Variants in SKOR2 observed in about 807,000 individuals in gnomAD.
SKOR2 encodes LBX1 corepressor 1-like protein.
Under a neutral mutation model 69.1 loss-of-function variants are expected in SKOR2, and 47 were observed. The observed-to-expected ratio is 0.68, with a 90% CI of 0.54 to 0.87. The LOEUF (loss-of-function observed/expected upper bound fraction) is 0.87, where lower values mean the gene tolerates loss of function less well. Ranked by LOEUF, SKOR2 falls within the 40% of genes least tolerant of loss-of-function variation. The pLI is 0.00. For missense variants in SKOR2, 1,404 were observed against 1,472.2 expected (o/e 0.95, Z 0.76); for synonymous variants, 717 against 672.6 (o/e 1.07, Z -1.02).
At position 47,247,769 on chromosome 18, in the gene SKOR2, G is replaced by T; in HGVS notation, c.1415C>A (p.Pro472Gln). The change falls in exon 2 of 9, where the codon CCG becomes CAG. Residue 472 changes from proline to glutamine, a missense_variant. By Grantham distance (76) the Pro-to-Gln change is moderately conservative. Coordinates refer to ENST00000425639, the MANE Select transcript of SKOR2 (RefSeq NM_001278063.4). This position sits in a 1 kb window ranked among gnomAD's most constrained non-coding sequence, Gnocchi z 6.6. ...CGGGAGCCCGCCAGGGGTCCGCGGC[G>T]GCCAGAACATGCAGAAGGGCGGATA... ...AFYPPFCMFW[P>Q]PRTPGGLPVP... 7.2e-7 allele frequency: 1 copy of T among 1,386,672 alleles called. No homozygotes were observed. Among genetic ancestry groups the T allele is most frequent in the Non-Finnish European group, 9.3e-7 (1 of 1,079,264 alleles). The allele number at this position is 1,386,672 out of a possible 1,614,324, so 85.9% of individuals were successfully genotyped here.
intron 4 of SKOR2, 54 bp from the exon 5 acceptor site, chr18:47,231,054 GT>G: frequency 6.5e-7 from 1 of 1,534,628 alleles, no homozygotes; most frequent in South Asian, 1.2e-5. Context: ...AGTTCTGTAA[GT>G]TTTCCTTTAC....
At position 47,248,513 on chromosome 18, in the gene SKOR2, A is replaced by AGCTCGTCCTGGGGAC; in HGVS notation, c.656_670dup (p.Glu223_Leu224insArgProGlnAspGlu). On this transcript the variant is annotated inframe_insertion, in exon 2 of 9. Coordinates refer to ENST00000425639, the MANE Select transcript of SKOR2 (RefSeq NM_001278063.4). This position sits in a 1 kb window ranked among gnomAD's most constrained non-coding sequence, Gnocchi z 6.4. The stretch of plus-strand genomic sequence containing the variant: ...CTTGACGTCCTCCCAGGCGAAGACC[A>AGCTCGTCCTGGGGAC]GCTCGTCCTGGGGACTCTTGTCGGT... The AGCTCGTCCTGGGGAC allele has an allele frequency of 6.5e-7, 1 of 1,537,014 alleles. No individual in the cohort carries two copies. The highest frequency in any genetic ancestry group is 1.4e-5 in the African/African-American group (1 of 73,128).
intron 6 of SKOR2, among the ~76,000 whole-genome samples, chr18:47,222,099 T>G (rs971675688): frequency 2.0e-5 from 3 of 152,074 alleles, no homozygotes; most frequent in Non-Finnish European, 4.4e-5. Context: ...AGCAGGAAAA[T>G]TGCTTGAGCC....
chr18:47,219,031 C>A (rs1010305639), intron 7 of SKOR2, among the ~76,000 whole-genome samples: 3 of 152,120 alleles, frequency 2.0e-5, no homozygotes, highest in African/African-American at 7.2e-5. Flanking sequence ...ATAATCCTGA[C>A]AAAGGAACTA....
intron 8 of SKOR2, among the ~76,000 whole-genome samples, chr18:47,208,864 G>GGTA (rs2144471223): frequency 6.6e-6 from 1 of 152,192 alleles, no homozygotes; most frequent in African/African-American, 2.4e-5. Flanking sequence ...TGTTTTAGGA[G>GGTA]GTAGTTTGAA....
chr18:47,249,169 C>T lies in SKOR2; in HGVS notation c.15G>A (p.Pro5=), dbSNP rs976343914. 6.5e-6 allele frequency: 10 copies of T among 1,534,770 alleles called. No homozygotes were observed. Among genetic ancestry groups the T allele is most frequent in the African/African-American group, 4.1e-5 (3 of 73,012 alleles). The change falls in exon 2 of 9, where the codon CCG becomes CCA. Residue 5 remains proline (P), a synonymous_variant. Transcript: ENST00000425639. ...GCAGGATGTCGTTGGGCCCTGGCAG[C>T]GGACTGGAAGCCATCTCCGCCGCAG... is the stretch of plus-strand genomic sequence containing the variant. The part of the protein sequence containing the change: MASS[P]LPGPNDILLA...
In SKOR2 at chr18:47,235,780, C is replaced by CAAAAAAAAAAAAAAAAAAAAAAA. The variant is rs11433396; in HGVS notation, c.2753-4781_2753-4780insTTTTTTTTTTTTTTTTTTTTTTT. ...GGACTATATGAACAACACAAACAAG[C>CAAAAAAAAAAAAAAAAAAAAAAA]AAAAAAAAAAAAAAAAAAAAACAGC... On this transcript the variant is annotated intron_variant, in intron 4 of 8. Coordinates refer to ENST00000425639, the MANE Select transcript of SKOR2 (RefSeq NM_001278063.4). Among the ~76,000 whole-genome samples the CAAAAAAAAAAAAAAAAAAAAAAA allele has an allele frequency of 3.4e-5, 2 of 59,274 alleles. 1 individual carries two copies. 38.9% of individuals were successfully genotyped at this position (59,274 alleles called of 152,430 possible).
At chr18:47,216,484 TAA>T (rs1234235982) in intron 7 of SKOR2, among the ~76,000 whole-genome samples, 1 of 152,162 alleles carries the variant, frequency 6.6e-6, no homozygotes, top group African/African-American at 2.4e-5. Context: ...CATTCATTTA[TAA>T]AGACACAAAG....
chr18:47,217,121 A>G (rs763371379), intron 7 of SKOR2, among the ~76,000 whole-genome samples: 2 of 152,222 alleles, frequency 1.3e-5, no homozygotes, highest in Admixed American at 6.5e-5. Flanking sequence ...TACCATGTAA[A>G]CATAGGTCCT....
At chr18:47,250,236 C>T (rs1377304397) in intron 1 of SKOR2, among the ~76,000 whole-genome samples, 1 of 152,162 alleles carries the variant, frequency 6.6e-6, no homozygotes, top group African/African-American at 2.4e-5. Context: ...TACAGCCAAT[C>T]GGTGGACTAG....
intron 4 of SKOR2, among the ~76,000 whole-genome samples, chr18:47,239,481 T>C (rs932714634): frequency 7.9e-5 from 12 of 152,230 alleles, no homozygotes; most frequent in Non-Finnish European, 1.8e-4. Context: ...CTAAGAGTTA[T>C]GGCAAACTTT....
At position 47,246,892 on chromosome 18, in the gene SKOR2, G is replaced by C; in HGVS notation, c.2292C>G (p.Asp764Glu). The C allele has an allele frequency of 4.0e-6, 6 of 1,490,176 alleles. No homozygotes were observed. Among genetic ancestry groups the C allele is most frequent in the Non-Finnish European group, 5.3e-6 (6 of 1,126,642 alleles). The allele number at this position is 1,490,176 out of a possible 1,614,324, so 92.3% of individuals were successfully genotyped here. The change falls in exon 2 of 9, where the codon GAC (aspartate) becomes GAG (glutamate). Residue 764 changes from aspartate to glutamate, a missense_variant. This residue lies in a region of SKOR2 where 1,266 missense variants were observed against 1,309.9 expected (regional missense o/e 0.97). Transcript: ENST00000425639. ...GEEEEEGRDP[D>E]DDEEEDEETE... ...TCTCCTCGTCCTCTTCCTCGTCGTC[G>C]TCAGGGTCTCGACCTTCCTCCTCTT...
chr18:47,231,159 A>C (rs2064196645), intron 4 of SKOR2, 159 bp from the exon 5 acceptor site: 1 of 1,535,876 alleles, frequency 6.5e-7, no homozygotes. Context: ...TTCGCATATA[A>C]TCCTCCTGAA....
chr18:47,213,053 A>G (rs1459059740), intron 7 of SKOR2, among the ~76,000 whole-genome samples: 1 of 152,184 alleles, frequency 6.6e-6, no homozygotes, highest in East Asian at 1.9e-4. Context: ...CTTGAAAAGT[A>G]CTTTCGAATA....
At chr18:47,244,814 A>T in intron 4 of SKOR2, 94 bp downstream of exon 4, 1 of 1,158,684 alleles carries the variant, frequency 8.6e-7, no homozygotes, top group Non-Finnish European at 1.2e-6. Context: ...TTTTATTTTT[A>T]CCCTTGTACT....
chr18:47,221,437 T>C (rs2064161007), intron 6 of SKOR2, among the ~76,000 whole-genome samples: 1 of 152,164 alleles, frequency 6.6e-6, no homozygotes, highest in South Asian at 2.1e-4. Context: ...GGGAACTGCA[T>C]ATGGCTCAGC....
intron 6 of SKOR2, among the ~76,000 whole-genome samples, chr18:47,224,023 A>G (rs1309825811): frequency 6.6e-6 from 1 of 151,724 alleles, no homozygotes; most frequent in African/African-American, 2.4e-5. Context: ...CTCCTGCCTC[A>G]GCCTCCCGAG....
chr18:47,221,426 G>C (rs543030526), intron 6 of SKOR2, among the ~76,000 whole-genome samples: 2 of 152,254 alleles, frequency 1.3e-5, no homozygotes, highest in South Asian at 4.1e-4. Context: ...AAGGAGGAGA[G>C]GGGAACTGCA....
chr18:47,216,500 G>C (rs894757173), intron 7 of SKOR2, among the ~76,000 whole-genome samples: 3 of 152,126 alleles, frequency 2.0e-5, no homozygotes, highest in Admixed American at 6.5e-5. Flanking sequence ...CACAAAGAGA[G>C]TCAATCATTT....
Sources: allele counts gnomAD v4.1 joint callset (sites outside exome capture counted in the v4.1 genomes callset), GRCh38; gene constraint gnomAD v4.1.1; regional missense constraint gnomAD v4.1.1; non-coding constraint Gnocchi (gnomAD v3.1); transcripts MANE v1.5; gene names NCBI Gene and HGNC (gene_info 2026-07-23, HGNC 2026-07-21).